Variants in DLG2 observed in about 807,000 individuals in gnomAD.
DLG2 encodes the protein disks large homolog 2.
A neutral mutation model predicts 132.5 loss-of-function variants in DLG2; 45 were observed. The ratio of observed to expected loss-of-function variants is 0.34; its 90% CI spans 0.27 to 0.44. DLG2 has a LOEUF of 0.44. Ranked by LOEUF, DLG2 falls within the 20% of genes least tolerant of loss-of-function variation. DLG2 has a pLI of 1.00. For missense variants in DLG2, 1,045 were observed against 1,196.9 expected (o/e 0.87, Z 1.87); for synonymous variants, 424 against 419.6 (o/e 1.01, Z -0.13).
chr11:84,837,690 C>A (rs1182484493), intron 6 of DLG2, among the ~76,000 whole-genome samples: 1 of 151,732 alleles, frequency 6.6e-6, no homozygotes, highest in Non-Finnish European at 1.5e-5. Context: ...GGAATTTTCA[C>A]CCAAATAAAG....
chr11:84,660,893 TTC>T (rs1433128672), intron 6 of DLG2, among the ~76,000 whole-genome samples: 1 of 152,182 alleles, frequency 6.6e-6, no homozygotes, highest in Non-Finnish European at 1.5e-5. Context: ...CACAAAATGT[TTC>T]ATCGCATGTT....
intron 6 of DLG2, among the ~76,000 whole-genome samples, chr11:84,993,527 T>C (rs1042582135): frequency 1.3e-5 from 2 of 152,178 alleles, no homozygotes; most frequent in Non-Finnish European, 2.9e-5. Flanking sequence ...GGGAAGTTTA[T>C]CTTACTAACC....
intron 9 of DLG2, among the ~76,000 whole-genome samples, chr11:84,145,935 C>T (rs1468377409): frequency 2.0e-5 from 3 of 152,116 alleles, no homozygotes; most frequent in East Asian, 1.9e-4. Context: ...AATGCCCCTC[C>T]GAATGTCTGT....
chr11:85,396,527 T>G (rs1452203029), intron 3 of DLG2, among the ~76,000 whole-genome samples: 1 of 151,900 alleles, frequency 6.6e-6, no homozygotes, highest in Admixed American at 6.6e-5. Flanking sequence ...CTAAAAACCT[T>G]GAAAAAAGGT....
chr11:85,578,271 C>G (rs917948942), intron 3 of DLG2, among the ~76,000 whole-genome samples: 28 of 152,050 alleles, frequency 1.8e-4, no homozygotes, highest in African/African-American at 6.5e-4. Context: ...AATGTAAAAC[C>G]CAAAATTATA....
intron 6 of DLG2, among the ~76,000 whole-genome samples, chr11:84,829,194 C>A (rs1017747310): frequency 6.6e-6 from 1 of 151,546 alleles, no homozygotes; most frequent in Non-Finnish European, 1.5e-5. Context: ...GAGGAATATA[C>A]CTCCCTGCCC....
Position 84,844,085 on chromosome 11 carries a change from G to A in DLG2, c.357+267576C>T, listed in dbSNP as rs866842612. Among the ~76,000 whole-genome samples the A allele has an allele frequency of 6.0e-3, 554 of 93,106 alleles. 7 individuals carry two copies. The highest frequency in any genetic ancestry group is 0.02 in the African/African-American group (527 of 26,542). The allele number at this position is 93,106 out of a possible 152,430, so 61.1% of individuals were successfully genotyped here. A position where few individuals can be genotyped will look rare whatever the true frequency, so the allele number is the denominator to read the frequency against. On this transcript the variant is annotated intron_variant, in intron 6 of 27. Coordinates refer to ENST00000376104, the MANE Select transcript of DLG2 (RefSeq NM_001142699.3). ...TATGTTTGTGTGTGTGTGTGTGTGT[G>A]TATATATATATATATATGTTTGTGT... is the stretch of plus-strand genomic sequence containing the variant.
chr11:84,717,807 T>G (rs2061391474), intron 6 of DLG2, among the ~76,000 whole-genome samples: 2 of 152,066 alleles, frequency 1.3e-5, no homozygotes, highest in Admixed American at 6.5e-5. Context: ...TTTGATGAAT[T>G]TATACATAGT....
At chr11:84,539,442 T>C (rs557031240) in intron 6 of DLG2, among the ~76,000 whole-genome samples, 1 of 152,334 alleles carries the variant, frequency 6.6e-6, no homozygotes. Flanking sequence ...GGTACTAATG[T>C]CATTCTGGGC....
intron 6 of DLG2, among the ~76,000 whole-genome samples, chr11:84,579,716 G>A (rs1565357073): frequency 6.6e-6 from 1 of 152,140 alleles, no homozygotes; most frequent in Admixed American, 6.5e-5. Flanking sequence ...ATAAAGTATT[G>A]GACAGCCATA....
intron 15 of DLG2, among the ~76,000 whole-genome samples, chr11:83,885,558 G>A (rs909895249): frequency 6.6e-6 from 1 of 152,166 alleles, no homozygotes; most frequent in African/African-American, 2.4e-5. Context: ...CCCCAATCTA[G>A]CAAGGCAGGC....
intron 18 of DLG2, among the ~76,000 whole-genome samples, chr11:83,706,452 C>T (rs2084019110): frequency 3.3e-5 from 5 of 151,972 alleles, no homozygotes; most frequent in South Asian, 2.1e-4. Flanking sequence ...ATAATATCCC[C>T]CAACTCCTAT....
At chr11:83,515,703 C>T (rs1484134522) in intron 21 of DLG2, among the ~76,000 whole-genome samples, 2 of 152,160 alleles carry the variant, frequency 1.3e-5, no homozygotes, top group Non-Finnish European at 2.9e-5. Context: ...GAATGTGTCC[C>T]AGAGATTCTG....
chr11:84,732,693 G>A (rs182596964), intron 6 of DLG2, among the ~76,000 whole-genome samples: 3 of 151,912 alleles, frequency 2.0e-5, no homozygotes, highest in Non-Finnish European at 2.9e-5. Flanking sequence ...TGTGCACAAT[G>A]TGCAGGTTGT....
In DLG2 at chr11:83,772,891, G is replaced by T. The variant is rs897237279; in HGVS notation, c.1825+13799C>A. On this transcript the variant is annotated intron_variant, in intron 18 of 27. Transcript: ENST00000376104. Reference sequence around the variant, plus strand: ...AACTGGCTACTAATAGGGGCAAGAAGAAATTGGGATCAATGGAGACGAAGA... The same window carrying T: ...AACTGGCTACTAATAGGGGCAAGAATAAATTGGGATCAATGGAGACGAAGA... 3.3e-5 allele frequency among the ~76,000 whole-genome samples: 5 copies of T among 152,320 alleles called. No homozygotes were observed. In the South Asian group the frequency reaches 8.3e-4, roughly 25 times the overall value.
intron 18 of DLG2, among the ~76,000 whole-genome samples, chr11:83,752,522 T>C (rs1373857408): frequency 1.3e-5 from 2 of 152,228 alleles, no homozygotes; most frequent in East Asian, 1.9e-4. Context: ...GAAGTGACAA[T>C]GGAGATCATT....
At chr11:85,310,603 C>A (rs540465916) in intron 3 of DLG2, among the ~76,000 whole-genome samples, 1 of 152,294 alleles carries the variant, frequency 6.6e-6, no homozygotes, top group African/African-American at 2.4e-5. Context: ...CTAGAAAAAT[C>A]AGACTGGTGG....
intron 11 of DLG2, among the ~76,000 whole-genome samples, chr11:84,037,169 T>C (rs1440330072): frequency 6.6e-6 from 1 of 152,152 alleles, no homozygotes; most frequent in Non-Finnish European, 1.5e-5. Context: ...ATGTGGAGTC[T>C]GAAATGGTTA....
chr11:83,770,243 GT>G (rs1450673968), intron 18 of DLG2, among the ~76,000 whole-genome samples: 1 of 113,944 alleles, frequency 8.8e-6, no homozygotes, highest in Non-Finnish European at 1.8e-5. Context: ...CTTTTGTCTC[GT>G]GGTGTCTGGT....
Sources: gnomAD v4.1 joint callset for allele counts (sites outside exome capture counted in the v4.1 genomes callset) on GRCh38, gnomAD v4.1.1 for gene constraint, MANE v1.5 for transcripts, NCBI Gene and HGNC (gene_info 2026-07-23, HGNC 2026-07-21) for gene names.